The following ABCB6 variants were observed in gnomAD, a reference collection of about 807,000 sequenced individuals.
The protein encoded by ABCB6 is ATP binding cassette subfamily B member 6 (LAN blood group).
ABCB6 carries 87 observed loss-of-function variants against 99.4 expected under a neutral mutation model. That is an observed-to-expected ratio of 0.88 (90% CI 0.74 to 1.05). ABCB6 has a LOEUF of 1.05. ABCB6 is among the 50% of genes least tolerant of loss of function. The pLI, the probability that ABCB6 is intolerant of heterozygous loss-of-function variation, is 0.00. For synonymous variants in ABCB6, 482 were observed against 447.5 expected (o/e 1.08, Z -0.97); for missense variants, 1,050 against 1,097.9 (o/e 0.96, Z 0.62).
At chr2:219,213,692 T>C (rs1206129481) in intron 9 of ABCB6, 26 bp from the exon 10 acceptor site, 4 of 1,613,758 alleles carry the variant, frequency 2.5e-6, no homozygotes, top group Non-Finnish European at 3.4e-6. Context: ...AAGCAGAGCA[T>C]GTCACGGGGG....
chr2:219,216,391 G>C lies in ABCB6; in HGVS notation c.943C>G (p.Leu315Val), dbSNP rs779029356. 6.2e-7 allele frequency: 1 copy of C among 1,613,954 alleles called. No individual in the cohort carries two copies. Residue 315 changes from leucine (L) to valine (V), a missense_variant, in exon 4 of 19, where the codon CTC becomes GTC. Physicochemically the swap from Leu to Val is conservative, Grantham distance 32. Coordinates refer to ENST00000265316, the MANE Select transcript of ABCB6 (RefSeq NM_005689.4). This position sits in a 1 kb window ranked among gnomAD's most constrained non-coding sequence, Gnocchi z 4.2. ...GTACTGCCAGTGCCACCCCCCTGGAGGAACTTGAGGAAGACGTAACTGGTA... is the reference window on the plus strand; with the variant it reads ...GTACTGCCAGTGCCACCCCCCTGGACGAACTTGAGGAAGACGTAACTGGTA... ...TVTSYVFLKF[L>V]QGGGTGSTGF...
rs566841625 is a variant in ABCB6 at position 219,216,782 on chromosome 2, G to C, written c.738C>G (p.Leu246=). The change falls in exon 3 of 19, where the codon CTC becomes CTG. Residue 246 remains leucine (L), a synonymous_variant. Coordinates refer to ENST00000265316, the MANE Select transcript of ABCB6 (RefSeq NM_005689.4). This position sits in a 1 kb window ranked among gnomAD's most constrained non-coding sequence, Gnocchi z 4.2. ...GCCACAGGTAGCCACTCAGGAGGCG[G>C]AGCTTCCTGCCAAAATCTCGCCAGG... ...QSTWRDFGRK[L]RLLSGYLWPR... The C allele has an allele frequency of 1.3e-5, 21 of 1,612,770 alleles. No homozygotes were observed. The Admixed American group carries it at 2.7e-4, about 21-fold the overall frequency.
chr2:219,214,923 G>T, intron 6 of ABCB6, 38 bp downstream of exon 6: 1 of 1,613,146 alleles, frequency 6.2e-7, no homozygotes, highest in Non-Finnish European at 8.5e-7. Context: ...GGAGTCCCTG[G>T]ATAGTTCAGG....
In ABCB6 at chr2:219,218,512, C is replaced by G. The variant is rs750386138; in HGVS notation, c.162G>C (p.Glu54Asp). The G allele has an allele frequency of 8.1e-6, 13 of 1,609,690 alleles. No individual in the cohort carries two copies. The African/African-American group carries it at 1.7e-4, about 21-fold the overall frequency. Residue 54 changes from glutamate (E) to aspartate (D), a missense_variant, in exon 1 of 19, where the codon GAG becomes GAC. Coordinates refer to ENST00000265316, the MANE Select transcript of ABCB6 (RefSeq NM_005689.4). ...ACAGCGAATCAGCACCAGCGGGCCG[C>G]TCCCGGCGTCTGCAGGGAAGAGCCA... ...LVLALPCRRR[E>D]RPAGADSLSW...
chr2:219,212,089 GT>G (rs1950586080), intron 14 of ABCB6, among the ~76,000 whole-genome samples: 1 of 151,914 alleles, frequency 6.6e-6, no homozygotes, highest in Non-Finnish European at 1.5e-5. Context: ...TAGAGAGGGT[GT>G]TTTGCCATGT....
rs761590736 is a variant in ABCB6, at chr2:219,215,048, C to T, written c.1189G>A (p.Asp397Asn). The T allele has an allele frequency of 3.7e-6, 6 of 1,614,100 alleles. No homozygotes were observed. The highest frequency in any genetic ancestry group is 1.7e-5 in the Admixed American group (1 of 60,008). ...LVFNVIPTLADIIIGIIYFSM... is the reference protein window; with the variant it reads ...LVFNVIPTLANIIIGIIYFSM... ...AAGTAGATGATGCCAATGATGATGT[C>T]GGCCAGCGTGGGGATGACATTGAAC... The change falls in exon 6 of 19, where the codon GAC becomes AAC. Residue 397 changes from aspartate (D) to asparagine (N), a missense_variant. Asp to Asn is a conservative substitution (Grantham distance 23). Transcript: ENST00000265316.
chr2:219,212,598 C>G, intron 13 of ABCB6, 107 bp from the exon 14 acceptor site: 1 of 806,824 alleles, frequency 1.2e-6, no homozygotes, highest in Non-Finnish European at 2.0e-6. Context: ...TCTCAGCTCA[C>G]TAGAACCTCT....
rs776547988 is a variant in ABCB6 at position 219,218,287 on chromosome 2, C to G, written c.387G>C (p.Arg129=). The G allele has an allele frequency of 4.8e-5, 77 of 1,613,086 alleles. No individual in the cohort carries two copies. The highest frequency in any genetic ancestry group is 6.2e-5 in the Non-Finnish European group (73 of 1,180,052). Residue 129 remains arginine, a synonymous_variant, in exon 1 of 19, where the codon CGG becomes CGC. Coordinates refer to ENST00000265316, the MANE Select transcript of ABCB6 (RefSeq NM_005689.4). ...TTGCCAGACGCTGCCGTGCCTGGCT[C>G]CGCTCCACGACAAGCAGCCACAGGC... The part of the protein sequence containing the change: ...ACGLWLLVVE[R]SQARQRLAMG...
rs1454925288 is a variant in ABCB6 at position 219,218,924 on chromosome 2, C to CG, written c.-252dup. ...AGCACGGCCCCGCTGGCTCTGGGCC[C>CG]GGGACCCTCCTGCCAACTGCAGGCC... On this transcript the variant is annotated 5_prime_UTR_variant, in exon 1 of 19. Coordinates refer to ENST00000265316, the MANE Select transcript of ABCB6 (RefSeq NM_005689.4). 1 of 472,786 alleles carries CG rather than the reference C, an allele frequency of 2.1e-6. No individual in the cohort carries two copies. Among genetic ancestry groups the CG allele is most frequent in the Non-Finnish European group, 3.7e-6 (1 of 269,240 alleles). The allele number at this position is 472,786 out of a possible 1,614,324, so 29.3% of individuals were successfully genotyped here.
In ABCB6 at chr2:219,218,910, G is replaced by A; in HGVS notation, c.-237C>T. On this transcript the variant is annotated 5_prime_UTR_variant, in exon 1 of 19. Transcript: ENST00000265316. The stretch of plus-strand genomic sequence containing the variant: ...ACGTACGCCGTCTCAGCACGGCCCC[G>A]CTGGCTCTGGGCCCGGGACCCTCCT... The A allele has an allele frequency of 2.1e-6, 1 of 487,642 alleles. No individual in the cohort carries two copies. The highest frequency in any genetic ancestry group is 3.6e-6 in the Non-Finnish European group (1 of 279,738). 30.2% of individuals were successfully genotyped at this position (487,642 alleles called of 1,614,324 possible).
In ABCB6 at chr2:219,210,786, C is replaced by A. The variant is rs373408093; in HGVS notation, c.2181G>T (p.Leu727=). The A allele has an allele frequency of 2.5e-6, 4 of 1,613,870 alleles. No homozygotes were observed. Among genetic ancestry groups the A allele is most frequent in the Non-Finnish European group, 3.4e-6 (4 of 1,180,020 alleles). ...CGACGCGCTGCTTCTCCCCGCCGCT[C>A]AGCTTCAGTCCCCGCTCGCCCACCT... is the stretch of plus-strand genomic sequence containing the variant. The part of the protein sequence containing the change: ...RTQVGERGLK[L]SGGEKQRVAI... The change falls in exon 16 of 19, where the codon CTG becomes CTT. Residue 727 remains leucine (L), a synonymous_variant. Transcript: ENST00000265316.
intron 14 of ABCB6, among the ~76,000 whole-genome samples, chr2:219,212,062 A>G (rs1380325191): frequency 6.6e-6 from 1 of 151,598 alleles, no homozygotes; most frequent in African/African-American, 2.4e-5. Context: ...CGCGCCCAGC[A>G]ATTTTTGTAT....
At chr2:219,214,757 A>C in intron 6 of ABCB6, 1 of 653,522 alleles carries the variant, frequency 1.5e-6, no homozygotes, top group Non-Finnish European at 2.6e-6. Flanking sequence ...TAACGTGACA[A>C]GAATGTCCTT....
Position 219,214,203 on chromosome 2 carries a change from A to AAATT in ABCB6, c.1387-21_1387-18dup. ...ATACTTCACCTGATGAATTCAAACC[A>AAATT]AATTTATTTGGCATGGGCACAGCAC... is the stretch of plus-strand genomic sequence containing the variant. On this transcript the variant is annotated splice_polypyrimidine_tract_variant and intron_variant, in intron 7 of 18. Coordinates refer to ENST00000265316, the MANE Select transcript of ABCB6 (RefSeq NM_005689.4). The AAATT allele has an allele frequency of 6.2e-7, 1 of 1,613,874 alleles. No individual in the cohort carries two copies. Among genetic ancestry groups the AAATT allele is most frequent in the Non-Finnish European group, 8.5e-7 (1 of 1,179,778 alleles).
intron 1 of ABCB6, 47 bp downstream of exon 1, chr2:219,218,078 C>T (rs764645501): frequency 1.3e-6 from 2 of 1,552,574 alleles, no homozygotes; most frequent in South Asian, 2.4e-5. Flanking sequence ...GTGCTTTCTC[C>T]CAAGCCCGGC....
At chr2:219,212,933 G>T in intron 13 of ABCB6, 75 bp downstream of exon 13, 1 of 1,517,826 alleles carries the variant, frequency 6.6e-7, no homozygotes, top group Non-Finnish European at 9.1e-7. Flanking sequence ...TCCACAGCCT[G>T]GGTCACAAGC....
rs540542754 is a variant in ABCB6 at position 219,218,040 on chromosome 2, G to T, written c.549+85C>A. 151 of 1,490,648 alleles carry T rather than the reference G, an allele frequency of 1.0e-4. No homozygotes were observed. The South Asian group carries it at 1.2e-3, about 12-fold the overall frequency. 92.3% of individuals were successfully genotyped at this position (1,490,648 alleles called of 1,614,324 possible). A position where few individuals can be genotyped will look rare whatever the true frequency, so the allele number is the denominator to read the frequency against. ...TCCCTTTGCTTAGAGGCATCCTAAA[G>T]CCTGGAAGCAGTGTGACTGGACATG... On this transcript the variant is annotated intron_variant, in intron 1 of 18. Transcript: ENST00000265316.
At position 219,218,697 on chromosome 2, in the gene ABCB6, G is replaced by A. The variant is rs553626350; in HGVS notation, c.-24C>T. On this transcript the variant is annotated 5_prime_UTR_variant, in exon 1 of 19. Coordinates refer to ENST00000265316, the MANE Select transcript of ABCB6 (RefSeq NM_005689.4). The stretch of plus-strand genomic sequence containing the variant: ...ATGGCAATGCGTGGACGCCGGCCGA[G>A]GCTGCGGGCACTGCGGGACCGGAGG... 1.6e-5 allele frequency: 24 copies of A among 1,524,872 alleles called. No homozygotes were observed. The East Asian group carries it at 5.2e-4, about 33-fold the overall frequency. The allele number at this position is 1,524,872 out of a possible 1,614,324, so 94.5% of individuals were successfully genotyped here. A position where few individuals can be genotyped will look rare whatever the true frequency, so the allele number is the denominator to read the frequency against.
chr2:219,215,379 G>A (rs1237950285), intron 5 of ABCB6: 3 of 322,500 alleles, frequency 9.3e-6, no homozygotes, highest in Non-Finnish European at 1.7e-5. Flanking sequence ...ATTTGTTTTA[G>A]GAAAAACCTC....
Sources: gnomAD v4.1 joint callset for allele counts (sites outside exome capture counted in the v4.1 genomes callset) on GRCh38, gnomAD v4.1.1 for gene constraint, Gnocchi (gnomAD v3.1) non-coding constraint, MANE v1.5 for transcripts, NCBI Gene and HGNC (gene_info 2026-07-23, HGNC 2026-07-21) for gene names.